Variants in DPP10 observed in about 807,000 individuals in gnomAD.
DPP10 encodes inactive dipeptidyl peptidase 10.
Under a neutral mutation model 120.9 loss-of-function variants are expected in DPP10, and 33 were observed. That is an observed-to-expected ratio of 0.27 (90% CI 0.21 to 0.37). The LOEUF (loss-of-function observed/expected upper bound fraction) is 0.37. DPP10 is among the 10% of genes least tolerant of loss of function. DPP10 has a pLI of 1.00. For missense variants in DPP10, 816 were observed against 942.8 expected (o/e 0.87, Z 1.76); for synonymous variants, 337 against 326.1 (o/e 1.03, Z -0.36).
At chr2:114,482,219 G>T (rs1239277864) in intron 1 of DPP10, among the ~76,000 whole-genome samples, 1 of 152,086 alleles carries the variant, frequency 6.6e-6, no homozygotes, top group African/African-American at 2.4e-5. Flanking sequence ...TTTAAAAAAT[G>T]CCAATGTTTT....
chr2:114,473,880 C>T (rs1247952572), intron 1 of DPP10, among the ~76,000 whole-genome samples: 1 of 152,162 alleles, frequency 6.6e-6, no homozygotes, highest in Non-Finnish European at 1.5e-5. Context: ...TACATACATA[C>T]ATACACACAC....
At chr2:115,557,219 G>T (rs2080270279) in intron 5 of DPP10, among the ~76,000 whole-genome samples, 2 of 152,084 alleles carry the variant, frequency 1.3e-5, no homozygotes, top group South Asian at 2.1e-4. Context: ...CGGTCAGAAA[G>T]AGTTCCTGCG....
intron 7 of DPP10, among the ~76,000 whole-genome samples, chr2:115,711,317 G>C (rs1227966187): frequency 2.6e-5 from 4 of 152,118 alleles, no homozygotes; most frequent in Non-Finnish European, 4.4e-5. Flanking sequence ...GGTAAGTACT[G>C]TTAGAGAAAT....
At chr2:114,974,103 A>C (rs1442880591) in intron 1 of DPP10, among the ~76,000 whole-genome samples, 1 of 152,216 alleles carries the variant, frequency 6.6e-6, no homozygotes, top group Non-Finnish European at 1.5e-5. Flanking sequence ...AAATTTTTAA[A>C]AATGAATTTA....
chr2:115,593,082 G>A (rs1218737062), intron 5 of DPP10, among the ~76,000 whole-genome samples: 1 of 152,076 alleles, frequency 6.6e-6, no homozygotes, highest in Non-Finnish European at 1.5e-5. Context: ...AGATAAATTG[G>A]TATATACAGA....
chr2:115,256,032 A>G (rs962649571), intron 1 of DPP10, among the ~76,000 whole-genome samples: 1 of 152,156 alleles, frequency 6.6e-6, no homozygotes, highest in Non-Finnish European at 1.5e-5. Context: ...CTGTGGTACC[A>G]ATTTACTATA....
intron 1 of DPP10, among the ~76,000 whole-genome samples, chr2:114,627,132 T>C (rs1223873365): frequency 2.0e-5 from 3 of 152,130 alleles, no homozygotes; most frequent in Admixed American, 1.3e-4. Flanking sequence ...TTTGATCATC[T>C]GGGTGCACAA....
intron 1 of DPP10, among the ~76,000 whole-genome samples, chr2:114,832,800 A>G (rs1219395449): frequency 6.6e-6 from 1 of 152,178 alleles, no homozygotes; most frequent in Non-Finnish European, 1.5e-5. Context: ...TGCTATGTCT[A>G]TAGACCTCAT....
At chr2:115,685,663 A>T (rs36053292) in intron 5 of DPP10, among the ~76,000 whole-genome samples, 14,310 of 152,060 alleles carry the variant, frequency 0.094, 738 homozygotes, top group South Asian at 0.14. Flanking sequence ...ATCTTATTTT[A>T]AAAAACTTTA....
At chr2:114,848,261 A>G (rs1688692564) in intron 1 of DPP10, among the ~76,000 whole-genome samples, 1 of 152,166 alleles carries the variant, frequency 6.6e-6, no homozygotes, top group African/African-American at 2.4e-5. Flanking sequence ...GCCGTTGTGC[A>G]TGGAAGTGAG....
intron 5 of DPP10, among the ~76,000 whole-genome samples, chr2:115,630,282 T>A (rs1360201469): frequency 6.6e-6 from 1 of 152,182 alleles, no homozygotes; most frequent in African/African-American, 2.4e-5. Context: ...GTGAAGTTGC[T>A]TATGAGCTTA....
intron 1 of DPP10, among the ~76,000 whole-genome samples, chr2:115,214,811 G>C (rs768823309): frequency 6.6e-6 from 1 of 152,132 alleles, no homozygotes; most frequent in Non-Finnish European, 1.5e-5. Context: ...TTCCAACTGA[G>C]TTCTTGCTTG....
intron 1 of DPP10, among the ~76,000 whole-genome samples, chr2:115,044,623 A>G (rs1368342956): frequency 2.0e-5 from 3 of 152,068 alleles, no homozygotes; most frequent in Admixed American, 6.6e-5. Flanking sequence ...AGCATTGGGG[A>G]TTACATTTCA....
At chr2:115,496,524 G>A (rs17362720) in intron 3 of DPP10, among the ~76,000 whole-genome samples, 10,132 of 151,938 alleles carry the variant, frequency 0.067, 447 homozygotes, top group Middle Eastern at 0.12. Flanking sequence ...ATTTTCTTTC[G>A]ATCACCCCTA....
chr2:114,917,613 T>C (rs1447725817), intron 1 of DPP10, among the ~76,000 whole-genome samples: 16 of 152,068 alleles, frequency 1.1e-4, no homozygotes, highest in Non-Finnish European at 8.8e-5. Flanking sequence ...AACAGACACA[T>C]AGACCAATAG....
chr2:115,339,911 G>A (rs12999921), intron 2 of DPP10, among the ~76,000 whole-genome samples: 3 of 152,052 alleles, frequency 2.0e-5, no homozygotes, highest in African/African-American at 7.2e-5. Context: ...AACTAAACAC[G>A]CAAGAATGCA....
intron 1 of DPP10, among the ~76,000 whole-genome samples, chr2:115,218,858 G>A (rs1474713404): frequency 6.6e-6 from 1 of 152,058 alleles, no homozygotes; most frequent in African/African-American, 2.4e-5. Flanking sequence ...TTAATTGAAG[G>A]AAAGTCAATG....
chr2:115,415,875 A>G (rs1250685645), intron 3 of DPP10, among the ~76,000 whole-genome samples: 1 of 137,168 alleles, frequency 7.3e-6, no homozygotes, highest in Non-Finnish European at 1.6e-5. Flanking sequence ...ATATATATAT[A>G]TGCACACACA....
At chr2:115,710,736 CT>C (rs1191429452) in intron 7 of DPP10, among the ~76,000 whole-genome samples, 1 of 151,940 alleles carries the variant, frequency 6.6e-6, no homozygotes, top group Non-Finnish European at 1.5e-5. Context: ...TTATTTTATT[CT>C]TATTCCCAAA....
Sources: allele counts gnomAD v4.1 joint callset (sites outside exome capture counted in the v4.1 genomes callset), GRCh38; gene constraint gnomAD v4.1.1; transcripts MANE v1.5; gene names NCBI Gene and HGNC (gene_info 2026-07-23, HGNC 2026-07-21).